AHCYL2: variants seen among roughly 807,000 people sequenced by gnomAD.
AHCYL2 encodes the protein adenosylhomocysteinase like 2.
In AHCYL2, 28 loss-of-function variants were observed where a neutral mutation model predicts 81.4. The observed-to-expected ratio is 0.34, with a 90% CI of 0.25 to 0.47. AHCYL2 has a LOEUF of 0.47. AHCYL2 is among the 20% of genes least tolerant of loss of function. AHCYL2 has a pLI of 1.00. For missense variants in AHCYL2, 551 were observed against 785.1 expected, an observed-to-expected ratio of 0.70 and a Z score of 3.56; for synonymous variants, 272 against 290.2, an observed-to-expected ratio of 0.94 and a Z score of 0.64.
chr7:129,306,828 G>A (rs1367346692), intron 1 of AHCYL2, among the ~76,000 whole-genome samples: 1 of 152,208 alleles, frequency 6.6e-6, no homozygotes, highest in African/African-American at 2.4e-5. Context: ...CCCAAACCCA[G>A]TAATGCTGTA....
At chr7:129,296,037 G>A (rs1797039294) in intron 1 of AHCYL2, among the ~76,000 whole-genome samples, 1 of 152,142 alleles carries the variant, frequency 6.6e-6, no homozygotes, top group Non-Finnish European at 1.5e-5. Context: ...TCTTAGTACT[G>A]TAGACAGCCA....
rs59506890 is a variant in AHCYL2 at position 129,328,126 on chromosome 7, A to G, written c.364-51512A>G. On this transcript the variant is annotated intron_variant, in intron 1 of 16. Transcript: ENST00000325006. Reference sequence around the variant, plus strand: ...AAAACTATTTTAAAAGTAATGGGAAACTATCACATTATTCCCTTTGGCTAG... The same window carrying G: ...AAAACTATTTTAAAAGTAATGGGAAGCTATCACATTATTCCCTTTGGCTAG... Among the ~76,000 whole-genome samples, 515 of 152,060 alleles carry G rather than the reference A, an allele frequency of 3.4e-3. 1 individual carries two copies. The highest frequency in any genetic ancestry group is 0.012 in the African/African-American group (499 of 41,498).
rs1795970203 is a variant in AHCYL2, at chr7:129,400,296, C to G, written c.830C>G (p.Pro277Arg). Residue 277 changes from proline to arginine, a missense_variant, in exon 6 of 17, where the codon CCT becomes CGT. Pro to Arg is a moderately radical substitution (Grantham distance 103, BLOSUM62 -2). Around this residue, in one of 2 missense-constraint regions of AHCYL2, gnomAD observed 316 missense variants for 543.1 expected, o/e 0.58. Transcript: ENST00000325006. ...VAAALAESGF[P>R]VFAWKGESED... ...TTGTTCCTTTTTTTCCCAGGATTTC[C>G]TGTTTTTGCCTGGAAGGGAGAGTCA... is the stretch of plus-strand genomic sequence containing the variant. 1.2e-6 allele frequency: 2 copies of G among 1,612,566 alleles called. No homozygotes were observed. The highest frequency in any genetic ancestry group is 1.7e-6 in the Non-Finnish European group (2 of 1,179,140).
At position 129,294,337 on chromosome 7, in the gene AHCYL2, C is replaced by G. The variant is rs73722930; in HGVS notation, c.363+68898C>G. ...GCTTCAATTTCCTTGATTCTTGTCC[C>G]TTAATTTTTAGGGGTCATTGAAATC... On this transcript the variant is annotated intron_variant, in intron 1 of 16. Coordinates refer to ENST00000325006, the MANE Select transcript of AHCYL2 (RefSeq NM_015328.4). Among the ~76,000 whole-genome samples, 517 of 152,208 alleles carry G rather than the reference C, an allele frequency of 3.4e-3. 1 individual carries two copies. Among genetic ancestry groups the G allele is most frequent in the African/African-American group, 0.012 (500 of 41,552 alleles).
intron 1 of AHCYL2, among the ~76,000 whole-genome samples, chr7:129,322,618 G>A (rs922721022): frequency 6.6e-6 from 1 of 151,672 alleles, no homozygotes; most frequent in South Asian, 2.1e-4. Flanking sequence ...TTGAGACAGG[G>A]TCTCACTCTG....
At chr7:129,375,775 C>A in intron 1 of AHCYL2, 2 of 1,515,166 alleles carry the variant, frequency 1.3e-6, no homozygotes, top group Non-Finnish European at 1.8e-6. Flanking sequence ...CTGGCTGGAA[C>A]CAGAGCCAAC....
chr7:129,318,522 A>G (rs1456132406), intron 1 of AHCYL2, among the ~76,000 whole-genome samples: 4 of 152,242 alleles, frequency 2.6e-5, no homozygotes, highest in African/African-American at 9.6e-5. Flanking sequence ...TTTTAAATCC[A>G]TGGTGGTGGG....
At chr7:129,262,086 A>G (rs1367872445) in intron 1 of AHCYL2, among the ~76,000 whole-genome samples, 1 of 152,102 alleles carries the variant, frequency 6.6e-6, no homozygotes, top group Non-Finnish European at 1.5e-5. Context: ...TTGATATTCT[A>G]TTATGTGCCA....
At chr7:129,347,315 T>C (rs1027410708) in intron 1 of AHCYL2, among the ~76,000 whole-genome samples, 8 of 152,068 alleles carry the variant, frequency 5.3e-5, no homozygotes, top group African/African-American at 1.4e-4. Context: ...TGTAGGCTTA[T>C]TGATTAACTG....
chr7:129,370,571 G>A (rs529897108), intron 1 of AHCYL2, among the ~76,000 whole-genome samples: 252 of 152,228 alleles, frequency 1.7e-3, no homozygotes, highest in Non-Finnish European at 2.4e-3. Context: ...GGTGGCGGGC[G>A]CCTATAGTCC....
chr7:129,302,353 A>G (rs938277965), intron 1 of AHCYL2, among the ~76,000 whole-genome samples: 2 of 151,966 alleles, frequency 1.3e-5, no homozygotes, highest in African/African-American at 4.8e-5. Context: ...GTGCCCTTAT[A>G]TCTTTCTCTT....
chr7:129,236,367 AT>A (rs1794644771), intron 1 of AHCYL2, among the ~76,000 whole-genome samples: 1 of 151,546 alleles, frequency 6.6e-6, no homozygotes, highest in Admixed American at 6.6e-5. Flanking sequence ...CCCCTAGCTA[AT>A]TTTTGTATTT....
intron 1 of AHCYL2, among the ~76,000 whole-genome samples, chr7:129,250,420 T>C (rs1299083608): frequency 1.3e-5 from 2 of 152,228 alleles, no homozygotes; most frequent in Non-Finnish European, 2.9e-5. Context: ...AATAAACTTG[T>C]GTATTTAGTT....
At chr7:129,259,362 T>A (rs1029282437) in intron 1 of AHCYL2, among the ~76,000 whole-genome samples, 16 of 152,314 alleles carry the variant, frequency 1.1e-4, no homozygotes, top group East Asian at 3.9e-4. Context: ...TAAATTATTT[T>A]AAAATTTTTT....
intron 1 of AHCYL2, among the ~76,000 whole-genome samples, chr7:129,246,347 C>T (rs1270019650): frequency 2.6e-5 from 4 of 152,164 alleles, no homozygotes; most frequent in Admixed American, 2.0e-4. Context: ...CGTGAGCCAC[C>T]ACACCCTGCC....
At chr7:129,358,096 A>G (rs1793800552) in intron 1 of AHCYL2, among the ~76,000 whole-genome samples, 1 of 152,008 alleles carries the variant, frequency 6.6e-6, no homozygotes, top group South Asian at 2.1e-4. Context: ...AATATTATTC[A>G]GCTTTAAAAA....
Position 129,299,681 on chromosome 7 carries a change from T to C in AHCYL2, c.363+74242T>C, listed in dbSNP as rs141555556. ...GTGCTGGGATTACAGGCATGAGCCATCACGCCCAGCCAGATTCCAACTTTT... is the reference window on the plus strand; with the variant it reads ...GTGCTGGGATTACAGGCATGAGCCACCACGCCCAGCCAGATTCCAACTTTT... On this transcript the variant is annotated intron_variant, in intron 1 of 16. Transcript: ENST00000325006. Among the ~76,000 whole-genome samples the C allele has an allele frequency of 3.4e-3, 517 of 152,130 alleles. 1 individual carries two copies. The highest frequency in any genetic ancestry group is 0.012 in the African/African-American group (500 of 41,528).
intron 3 of AHCYL2, among the ~76,000 whole-genome samples, 183 bp downstream of exon 3, chr7:129,389,382 A>AT (rs1563228319): frequency 4.1e-5 from 4 of 96,818 alleles, no homozygotes; most frequent in Non-Finnish European, 8.5e-5. Flanking sequence ...GGAACCCTGT[A>AT]TTAAAAAAAA....
At chr7:129,344,071 C>CAA (rs1481368962) in intron 1 of AHCYL2, among the ~76,000 whole-genome samples, 1 of 152,132 alleles carries the variant, frequency 6.6e-6, no homozygotes, top group African/African-American at 2.4e-5. Flanking sequence ...ATTAAAACCA[C>CAA]AGTGAGATAC....
Sources: allele counts gnomAD v4.1 joint callset (sites outside exome capture counted in the v4.1 genomes callset), GRCh38; gene constraint gnomAD v4.1.1; regional missense constraint gnomAD v4.1.1; transcripts MANE v1.5; gene names NCBI Gene and HGNC (gene_info 2026-07-23, HGNC 2026-07-21).